The following ETFA variants were observed in gnomAD, a reference collection of about 807,000 sequenced individuals.
ETFA encodes electron transfer flavoprotein subunit alpha, mitochondrial.
In ETFA, 22 loss-of-function variants were observed where a neutral mutation model predicts 46.2. The ratio of observed to expected loss-of-function variants is 0.48; its 90% CI spans 0.34 to 0.68. The LOEUF is 0.68. ETFA is among the 30% of genes least tolerant of loss of function. The pLI is 0.01. For missense variants in ETFA, 345 were observed against 401.1 expected (o/e 0.86, Z 1.19); for synonymous variants, 131 against 139.9 (o/e 0.94, Z 0.45).
At chr15:76,298,569 A>G (rs1307280648) in intron 1 of ETFA, among the ~76,000 whole-genome samples, 1 of 152,210 alleles carries the variant, frequency 6.6e-6, no homozygotes, top group Non-Finnish European at 1.5e-5. Flanking sequence ...TGATGGAGGT[A>G]CTAGTATTAC....
intron 11 of ETFA, chr15:76,217,800 C>A: frequency 3.4e-6 from 1 of 295,478 alleles, no homozygotes; most frequent in South Asian, 2.6e-5. Context: ...GCTGAACTCA[C>A]CACTGATGAA....
At chr15:76,262,474 C>CTTTTTTTTTTT (rs60480510) in intron 9 of ETFA, among the ~76,000 whole-genome samples, 2 of 84,688 alleles carry the variant, frequency 2.4e-5, no homozygotes, top group African/African-American at 4.3e-5. Context: ...ATCAAACCCC[C>CTTTTTTTTTTT]TTTTTTTTTT....
intron 9 of ETFA, among the ~76,000 whole-genome samples, chr15:76,257,151 C>T (rs900846435): frequency 2.6e-5 from 4 of 152,236 alleles, no homozygotes; most frequent in African/African-American, 4.8e-5. Context: ...AGTTAGGACC[C>T]GCCCCATGCA....
intron 1 of ETFA, among the ~76,000 whole-genome samples, chr15:76,309,703 G>A (rs78977445): frequency 0.013 from 1,966 of 152,186 alleles, 42 homozygotes; most frequent in African/African-American, 0.044. Context: ...GGCCAGACTT[G>A]TAATCTGTCC....
intron 9 of ETFA, among the ~76,000 whole-genome samples, chr15:76,237,031 G>A (rs1255100165): frequency 6.6e-6 from 1 of 152,162 alleles, no homozygotes; most frequent in Non-Finnish European, 1.5e-5. Flanking sequence ...GAACATGTGG[G>A]ATGCAGCTAG....
At chr15:76,227,644 T>G in intron 10 of ETFA, 1 of 368,092 alleles carries the variant, frequency 2.7e-6, no homozygotes. Context: ...TCTAATGTAG[T>G]ATTATTTTAA....
chr15:76,311,358 G>T lies in ETFA; in HGVS notation c.31C>A (p.Arg11=). Residue 11 remains arginine, a synonymous_variant, in exon 1 of 12, where the codon CGG becomes AGG. Transcript: ENST00000557943. The stretch of plus-strand genomic sequence containing the variant: ...TCCCAGTCCGGACTCACCGCCCGCC[G>T]GAGCTGCCCCGGAGCCGCCGCTCGG... MFRAAAPGQL[R]RAASLLRFQS... The T allele has an allele frequency of 6.4e-7, 1 of 1,560,298 alleles. No individual in the cohort carries two copies. Among genetic ancestry groups the T allele is most frequent in the Non-Finnish European group, 8.7e-7 (1 of 1,152,730 alleles).
At chr15:76,239,213 A>G (rs1450232707) in intron 9 of ETFA, among the ~76,000 whole-genome samples, 2 of 152,172 alleles carry the variant, frequency 1.3e-5, no homozygotes, top group African/African-American at 2.4e-5. Context: ...GTCCAAAATT[A>G]TACACACCTA....
chr15:76,260,145 G>T, intron 9 of ETFA: 1 of 1,434,540 alleles, frequency 7.0e-7, no homozygotes, highest in Non-Finnish European at 9.8e-7. Flanking sequence ...CCTATATCCA[G>T]CCAGGGTGAA....
chr15:76,229,681 G>A (rs189756064), intron 10 of ETFA, among the ~76,000 whole-genome samples: 1 of 152,274 alleles, frequency 6.6e-6, no homozygotes, highest in Admixed American at 6.5e-5. Context: ...GTTCAGTAAA[G>A]AAACCTACCA....
intron 9 of ETFA, chr15:76,260,532 A>C: frequency 6.8e-7 from 1 of 1,469,924 alleles, no homozygotes; most frequent in East Asian, 2.3e-5. Context: ...ACACACACGT[A>C]CGATCAGGCC....
At chr15:76,242,888 G>C (rs2039205778) in intron 9 of ETFA, among the ~76,000 whole-genome samples, 1 of 152,236 alleles carries the variant, frequency 6.6e-6, no homozygotes, top group Admixed American at 6.5e-5. Context: ...AACGTAATAA[G>C]TTATTGCTTA....
intron 1 of ETFA, among the ~76,000 whole-genome samples, chr15:76,309,550 T>C (rs757840182): frequency 6.6e-6 from 1 of 152,254 alleles, no homozygotes; most frequent in Non-Finnish European, 1.5e-5. Flanking sequence ...CAAACCACAA[T>C]GAATATCTGG....
At chr15:76,304,836 A>G (rs1274773801) in intron 1 of ETFA, among the ~76,000 whole-genome samples, 1 of 152,118 alleles carries the variant, frequency 6.6e-6, no homozygotes, top group African/African-American at 2.4e-5. Flanking sequence ...CAAGGTCAGG[A>G]GAGCGAGACC....
intron 9 of ETFA, among the ~76,000 whole-genome samples, chr15:76,265,070 C>G (rs917468956): frequency 2.6e-5 from 4 of 152,202 alleles, no homozygotes; most frequent in Non-Finnish European, 4.4e-5. Flanking sequence ...AAACATACAG[C>G]TGTCCCCCGC....
chr15:76,217,190 G>C (rs1462782591), intron 11 of ETFA, among the ~76,000 whole-genome samples: 3 of 152,082 alleles, frequency 2.0e-5, no homozygotes, highest in Admixed American at 1.3e-4. Flanking sequence ...AATTTTTCTT[G>C]TCTGGGTGAA....
At chr15:76,306,267 CT>C (rs35290919) in intron 1 of ETFA, among the ~76,000 whole-genome samples, 28,692 of 109,332 alleles carry the variant, frequency 0.26, 4,218 homozygotes, top group African/African-American at 0.46. Flanking sequence ...TTTTTTGCTT[CT>C]TTTTTTTTTT....
At chr15:76,277,822 G>A (rs1330157413) in intron 8 of ETFA, among the ~76,000 whole-genome samples, 5 of 152,076 alleles carry the variant, frequency 3.3e-5, no homozygotes, top group African/African-American at 7.2e-5. Context: ...TTTTTAACAC[G>A]GAACCTCCAA....
At chr15:76,229,907 G>A (rs1379025689) in intron 10 of ETFA, 1 of 152,098 alleles carries the variant, frequency 6.6e-6, no homozygotes, top group Non-Finnish European at 1.5e-5. Context: ...TATTATGCAT[G>A]AATTAATGTG....
Sources: gnomAD v4.1 joint callset for allele counts (sites outside exome capture counted in the v4.1 genomes callset) on GRCh38, gnomAD v4.1.1 for gene constraint, MANE v1.5 for transcripts, NCBI Gene and HGNC (gene_info 2026-07-23, HGNC 2026-07-21) for gene names.